The following HIVEP1 variants were observed in gnomAD, a reference collection of about 807,000 sequenced individuals.
The protein encoded by HIVEP1 is HIVEP zinc finger 1.
In HIVEP1, 36 loss-of-function variants were observed where a neutral mutation model predicts 180.0. That is an observed-to-expected ratio of 0.20 (90% CI 0.15 to 0.26). The LOEUF is 0.26. HIVEP1 is among the 10% of genes least tolerant of loss of function. The probability of loss-of-function intolerance (pLI) is 1.00; values close to 1 mark genes in which losing one functional copy is unlikely to be tolerated. For synonymous variants in HIVEP1, 1,239 were observed against 1,239.0 expected (o/e 1.00, Z 0.00); for missense variants, 3,143 against 3,268.7 (o/e 0.96, Z 0.94).
At chr6:12,167,960 GTATATATTATATATACATGTACATGTATA>G, downstream of HIVEP1, among the ~76,000 whole-genome samples, 1 of 87,382 alleles carries the variant, frequency 1.1e-5, no homozygotes, top group South Asian at 3.1e-4. Flanking sequence ...ATGTATATAT[GTATATATTATATATACATGTACATGTATA>G]TATGTATATA....
intron 7 of HIVEP1, among the ~76,000 whole-genome samples, chr6:12,146,735 A>G (rs760859864): frequency 1.3e-5 from 2 of 152,054 alleles, no homozygotes; most frequent in African/African-American, 4.8e-5. Flanking sequence ...CTGTTTTTTA[A>G]TAGCTCCAGA....
chr6:12,112,076 C>T (rs986410115), intron 3 of HIVEP1, among the ~76,000 whole-genome samples: 8 of 152,150 alleles, frequency 5.3e-5, no homozygotes, highest in Non-Finnish European at 1.0e-4. Context: ...TTTAACATTT[C>T]AGTATAGGCC....
chr6:12,033,669 G>T (rs1421373204), intron 2 of HIVEP1, among the ~76,000 whole-genome samples: 4 of 152,086 alleles, frequency 2.6e-5, no homozygotes, highest in Admixed American at 6.6e-5. Flanking sequence ...TATTTTCATA[G>T]AGTTTTTAGA....
In HIVEP1 at chr6:12,124,681, A is replaced by G. The variant is rs527264787; in HGVS notation, c.4886A>G (p.Lys1629Arg). 1 of 1,614,198 alleles carries G rather than the reference A, an allele frequency of 6.2e-7. No individual in the cohort carries two copies. The highest frequency in any genetic ancestry group is 1.1e-5 in the South Asian group (1 of 91,086). Reference sequence around the variant, plus strand: ...AGGCCCCTTGGAAGTCAGGTGCAGAAGGTGCCATCATCATTCATGCTGCCC... The same window carrying G: ...AGGCCCCTTGGAAGTCAGGTGCAGAGGGTGCCATCATCATTCATGCTGCCC... Reference protein sequence around the residue: ...ELRPLGSQVQKVPSSFMLPIR... With the variant: ...ELRPLGSQVQRVPSSFMLPIR... The change falls in exon 4 of 9, where the codon AAG becomes AGG. Residue 1629 changes from lysine to arginine, a missense_variant. Transcript: ENST00000379388.
At chr6:12,042,487 T>C (rs750083947) in intron 2 of HIVEP1, among the ~76,000 whole-genome samples, 19 of 150,792 alleles carry the variant, frequency 1.3e-4, no homozygotes, top group Non-Finnish European at 2.4e-4. Context: ...ACTACTGAGA[T>C]TATAGGTGTG....
chr6:12,141,892 T>TA (rs1381318717), intron 7 of HIVEP1, among the ~76,000 whole-genome samples: 4 of 145,474 alleles, frequency 2.7e-5, no homozygotes, highest in Non-Finnish European at 6.1e-5. Flanking sequence ...AGCAAGTCCT[T>TA]AGAGACCTAC....
the HIVEP1 span, among the ~76,000 whole-genome samples, chr6:12,201,297 G>A: frequency 6.6e-6 from 1 of 152,078 alleles, no homozygotes; most frequent in Non-Finnish European, 1.5e-5. Context: ...GGCAACATGG[G>A]GAAACCCCGT....
At chr6:12,135,670 A>G (rs1758663555) in intron 6 of HIVEP1, 121 bp from the exon 7 acceptor site, 1 of 637,200 alleles carries the variant, frequency 1.6e-6, no homozygotes, top group Non-Finnish European at 2.8e-6. Flanking sequence ...CATTTTAGTC[A>G]TTGGAGTTGT....
Position 12,073,532 on chromosome 6 carries a change from C to T in HIVEP1, c.41-15652C>T, listed in dbSNP as rs12661270. On this transcript the variant is annotated intron_variant, in intron 2 of 8. Transcript: ENST00000379388. ...AATACTGCTTCCTGCCTCACTGTTC[C>T]TAGGGGACTGGCCGTTGCCCTGGGG... is the stretch of plus-strand genomic sequence containing the variant. Among the ~76,000 whole-genome samples, 66 of 152,272 alleles carry T rather than the reference C, an allele frequency of 4.3e-4. 1 individual carries two copies. In the East Asian group the frequency reaches 0.013, roughly 29 times the overall value.
intron 3 of HIVEP1, among the ~76,000 whole-genome samples, chr6:12,114,358 C>A (rs1472502793): frequency 2.0e-5 from 3 of 152,180 alleles, no homozygotes; most frequent in Non-Finnish European, 4.4e-5. Flanking sequence ...CCACATCTTC[C>A]TTTTTAAAAG....
intron 3 of HIVEP1, among the ~76,000 whole-genome samples, chr6:12,094,831 C>T (rs563823395): frequency 1.3e-5 from 2 of 151,900 alleles, no homozygotes; most frequent in Non-Finnish European, 2.9e-5. Context: ...CTTCTGATTC[C>T]CATGGAGCTG....
chr6:12,193,642 G>A, the HIVEP1 span, among the ~76,000 whole-genome samples: 21 of 152,018 alleles, frequency 1.4e-4, no homozygotes, highest in Non-Finnish European at 2.8e-4. Flanking sequence ...GTGGAATATC[G>A]TTTAAAGCTC....
chr6:12,057,173 T>G (rs955231791), intron 2 of HIVEP1, among the ~76,000 whole-genome samples: 4 of 152,216 alleles, frequency 2.6e-5, no homozygotes, highest in African/African-American at 9.6e-5. Context: ...GGTGATGATA[T>G]TTTAGTCTTT....
intron 7 of HIVEP1, among the ~76,000 whole-genome samples, chr6:12,149,296 TG>T (rs1254018145): frequency 6.6e-6 from 1 of 152,202 alleles, no homozygotes; most frequent in Non-Finnish European, 1.5e-5. Flanking sequence ...GAGACCTGAT[TG>T]TAAATCTAAA....
chr6:12,181,085 G>A, the HIVEP1 span, among the ~76,000 whole-genome samples: 1 of 152,122 alleles, frequency 6.6e-6, no homozygotes, highest in Non-Finnish European at 1.5e-5. Flanking sequence ...TTAGAGCCAG[G>A]CACTGTGGCT....
intron 7 of HIVEP1, among the ~76,000 whole-genome samples, chr6:12,159,759 A>T (rs1562012346): frequency 6.6e-6 from 1 of 152,212 alleles, no homozygotes; most frequent in Non-Finnish European, 1.5e-5. Context: ...GTAGAACCCT[A>T]AAAGCAAAAG....
chr6:12,146,172 G>A (rs1033430012), intron 7 of HIVEP1, among the ~76,000 whole-genome samples: 4 of 152,226 alleles, frequency 2.6e-5, no homozygotes, highest in African/African-American at 9.6e-5. Flanking sequence ...GCCGGGTGCA[G>A]TGGCTCACAC....
At chr6:12,103,184 GTAATAA>G (rs60181903) in intron 3 of HIVEP1, among the ~76,000 whole-genome samples, 46,854 of 147,492 alleles carry the variant, frequency 0.32, 7,572 homozygotes, top group Middle Eastern at 0.43. Context: ...TGTTGATTAT[GTAATAA>G]TAATAATAAT....
rs140276209 is a variant in HIVEP1, at chr6:12,041,930, G to A, written c.40+26262G>A. 7.1e-3 allele frequency among the ~76,000 whole-genome samples: 1,071 copies of A among 150,270 alleles called. 51 individuals are homozygous for A. The highest frequency in any genetic ancestry group is 0.059 in the Admixed American group (893 of 15,170). On this transcript the variant is annotated intron_variant, in intron 2 of 8. Transcript: ENST00000379388. ...CGCCTTGGCCTCCCAAAGTGCTGGG[G>A]TTATAGGTGTGAGTCACCGTGCCTG... is the stretch of plus-strand genomic sequence containing the variant.
Sources: gnomAD v4.1 joint callset for allele counts (sites outside exome capture counted in the v4.1 genomes callset) on GRCh38, gnomAD v4.1.1 for gene constraint, MANE v1.5 for transcripts, NCBI Gene and HGNC (gene_info 2026-07-23, HGNC 2026-07-21) for gene names.